SCML4: variants seen among roughly 807,000 people sequenced by gnomAD.
SCML4 encodes Scm polycomb group protein like 4.
In SCML4, 34 loss-of-function variants were observed where a neutral mutation model predicts 41.1. The observed-to-expected ratio is 0.83, with a 90% CI of 0.63 to 1.10. SCML4 has a LOEUF of 1.10. Ranked by LOEUF, SCML4 falls within the 50% of genes least tolerant of loss-of-function variation. The pLI is 0.00. For synonymous variants in SCML4, 214 were observed against 220.9 expected (o/e 0.97, Z 0.28); for missense variants, 522 against 534.1 (o/e 0.98, Z 0.22).
chr6:107,819,666 C>A (rs1420326796), intron 1 of SCML4, among the ~76,000 whole-genome samples: 6 of 130,600 alleles, frequency 4.6e-5, no homozygotes, highest in African/African-American at 1.7e-4. Flanking sequence ...ATGCAACTGC[C>A]AAAAAAAAAA....
chr6:107,720,603 C>T (rs955330777), intron 6 of SCML4, 100 bp downstream of exon 6: 21 of 1,446,632 alleles, frequency 1.5e-5, no homozygotes, highest in Admixed American at 5.0e-5. Context: ...AGCAGTCCCA[C>T]GTTTAAACAG....
At chr6:107,744,480 C>T (rs1017924108) in intron 5 of SCML4, among the ~76,000 whole-genome samples, 3 of 152,180 alleles carry the variant, frequency 2.0e-5, no homozygotes, top group African/African-American at 4.8e-5. Flanking sequence ...CTTTGTTGCA[C>T]CTTTAATTCA....
At chr6:107,708,864 T>C (rs969836760) in intron 6 of SCML4, among the ~76,000 whole-genome samples, 1 of 152,188 alleles carries the variant, frequency 6.6e-6, no homozygotes, top group Non-Finnish European at 1.5e-5. Flanking sequence ...AGGGTTGATT[T>C]TTTGTGTGTG....
chr6:107,845,814 A>G, the SCML4 span, among the ~76,000 whole-genome samples: 1 of 152,198 alleles, frequency 6.6e-6, no homozygotes, highest in Admixed American at 6.5e-5. Flanking sequence ...GTGGTATTAC[A>G]TTTTTACCTC....
intron 1 of SCML4, among the ~76,000 whole-genome samples, chr6:107,805,224 A>G (rs891048932): frequency 5.9e-5 from 9 of 152,144 alleles, no homozygotes; most frequent in African/African-American, 2.2e-4. Context: ...ATGGCCCCCA[A>G]ATCTGAAATG....
intron 1 of SCML4, among the ~76,000 whole-genome samples, chr6:107,778,222 A>AAT (rs1163805768): frequency 6.1e-3 from 94 of 15,470 alleles, no homozygotes; most frequent in Middle Eastern, 0.031. Flanking sequence ...AAAAAAAAAA[A>AAT]ATATATATAT....
At chr6:107,721,067 C>T (rs1177657671) in intron 5 of SCML4, 74 bp from the exon 6 acceptor site, 27 of 1,500,600 alleles carry the variant, frequency 1.8e-5, no homozygotes, top group Non-Finnish European at 2.4e-5. Context: ...TCCGTCTTGG[C>T]AAACCCTGCC....
In SCML4 at chr6:107,728,222, A is replaced by G. The variant is rs112775564; in HGVS notation, c.683-7229T>C. Among the ~76,000 whole-genome samples the G allele has an allele frequency of 5.7e-4, 87 of 152,364 alleles. 2 individuals carry two copies. The highest frequency in any genetic ancestry group is 2.0e-3 in the African/African-American group (83 of 41,590). On this transcript the variant is annotated intron_variant, in intron 5 of 7. Transcript: ENST00000369020. ...TGCAGATAATTCACTGACTGGCACT[A>G]TAGTTGGAAAATACAGACGCAGATG...
In SCML4 at chr6:107,702,432, AG is replaced by A. The variant is rs950982909; in HGVS notation, c.*2767del. Among the ~76,000 whole-genome samples the A allele has an allele frequency of 3.3e-5, 5 of 152,198 alleles. No individual in the cohort carries two copies. Among genetic ancestry groups the A allele is most frequent in the Non-Finnish European group, 5.9e-5 (4 of 68,044 alleles). On this transcript the variant is annotated 3_prime_UTR_variant, in exon 8 of 8. Transcript: ENST00000369020. ...ACCAATGTTTGTGACTCTGTAGTGA[AG>A]GAGGCACTGATGAGGGTGGGTAGGA...
At position 107,761,808 on chromosome 6, in the gene SCML4, CTT is replaced by C. The variant is rs71015510; in HGVS notation, c.156+10362_156+10363del. Among the ~76,000 whole-genome samples, 11 of 147,828 alleles carry C rather than the reference CTT, an allele frequency of 7.4e-5. No homozygotes were observed. The Middle Eastern group carries it at 0.01, about 139-fold the overall frequency. ...GACTTCTACACCCAGAAAAAAAAGT[CTT>C]TTTTTTTTTCAAAAGTGAAGGTAAA... is the stretch of plus-strand genomic sequence containing the variant. On this transcript the variant is annotated intron_variant, in intron 2 of 7. Coordinates refer to ENST00000369020, the MANE Select transcript of SCML4 (RefSeq NM_198081.5).
intron 7 of SCML4, among the ~76,000 whole-genome samples, chr6:107,707,528 C>A (rs555397229): frequency 1.9e-3 from 288 of 152,288 alleles, no homozygotes; most frequent in Non-Finnish European, 3.4e-3. Context: ...GGTGCTACTG[C>A]GGTTTGCCTG....
At chr6:107,803,295 G>A (rs1427262780) in intron 1 of SCML4, among the ~76,000 whole-genome samples, 5 of 148,894 alleles carry the variant, frequency 3.4e-5, no homozygotes, top group Admixed American at 2.7e-4. Flanking sequence ...TCTGTGAAGT[G>A]AGGAGCCCCT....
the SCML4 span, among the ~76,000 whole-genome samples, chr6:107,844,498 G>A: frequency 1.3e-5 from 2 of 152,324 alleles, no homozygotes; most frequent in East Asian, 3.9e-4. Flanking sequence ...AGGAGTTGGA[G>A]ATCAGCCTAG....
intron 6 of SCML4, chr6:107,720,277 G>A (rs1366502750): frequency 1.3e-6 from 1 of 744,838 alleles, no homozygotes; most frequent in Admixed American, 6.2e-5. Flanking sequence ...GGAAGCACCT[G>A]TGTCTTCTCC....
chr6:107,761,127 T>A (rs1219710859), intron 2 of SCML4, among the ~76,000 whole-genome samples: 1 of 152,008 alleles, frequency 6.6e-6, no homozygotes, highest in African/African-American at 2.4e-5. Flanking sequence ...GTTTGAAACA[T>A]AAGAGTTTCA....
chr6:107,787,898 T>A (rs1782022247), intron 1 of SCML4, among the ~76,000 whole-genome samples: 2 of 152,226 alleles, frequency 1.3e-5, no homozygotes, highest in Admixed American at 6.5e-5. Context: ...ATGATACTCT[T>A]TGGAAAACAC....
intron 1 of SCML4, among the ~76,000 whole-genome samples, chr6:107,813,389 T>G (rs1390335728): frequency 4.0e-5 from 1 of 24,926 alleles, no homozygotes; most frequent in African/African-American, 1.2e-4. Context: ...TATATATATA[T>G]ATATATATAT....
chr6:107,795,869 C>T (rs1224261330), intron 1 of SCML4, among the ~76,000 whole-genome samples: 2 of 152,170 alleles, frequency 1.3e-5, no homozygotes, highest in African/African-American at 2.4e-5. Flanking sequence ...CCTACTCTTC[C>T]AACGGCAGAT....
intron 2 of SCML4, among the ~76,000 whole-genome samples, chr6:107,762,644 G>A (rs556055993): frequency 2.0e-5 from 3 of 152,222 alleles, no homozygotes; most frequent in South Asian, 4.1e-4. Flanking sequence ...GATGGAAGAT[G>A]ATGGGAAGAC....
Sources: gnomAD v4.1 joint callset for allele counts (sites outside exome capture counted in the v4.1 genomes callset) on GRCh38, gnomAD v4.1.1 for gene constraint, MANE v1.5 for transcripts, NCBI Gene and HGNC (gene_info 2026-07-23, HGNC 2026-07-21) for gene names.